Variants in LDLRAD4 observed in about 807,000 individuals in gnomAD.
LDLRAD4 encodes the protein low-density lipoprotein receptor class A domain-containing protein 4.
LDLRAD4 carries 5 observed loss-of-function variants against 17.0 expected under a neutral mutation model. The observed-to-expected ratio is 0.29, with a 90% confidence interval of 0.15 to 0.62. The LOEUF is 0.62. Among genes scored for constraint, LDLRAD4 ranks in the 20% least tolerant of loss-of-function variants. The probability of loss-of-function intolerance (pLI) is 0.84; values close to 1 mark genes in which losing one functional copy is unlikely to be tolerated. For missense variants in LDLRAD4, 340 were observed against 424.7 expected, an observed-to-expected ratio of 0.80 and a Z score of 1.75; for synonymous variants, 168 against 171.8, an observed-to-expected ratio of 0.98 and a Z score of 0.17.
At chr18:13,380,041 G>A (rs932572103) in intron 1 of LDLRAD4, among the ~76,000 whole-genome samples, 84 of 139,562 alleles carry the variant, frequency 6.0e-4, no homozygotes, top group African/African-American at 1.9e-3. Flanking sequence ...CACAGTGGGA[G>A]CAGAACCTCT....
chr18:13,573,446 G>A (rs1022892407), intron 3 of LDLRAD4, among the ~76,000 whole-genome samples: 1 of 151,148 alleles, frequency 6.6e-6, no homozygotes, highest in Non-Finnish European at 1.5e-5. Context: ...TGCCTTGTAG[G>A]CCAGGCTGGT....
At chr18:13,488,890 C>T (rs1351537826) in intron 3 of LDLRAD4, 2 of 152,212 alleles carry the variant, frequency 1.3e-5, no homozygotes, top group Non-Finnish European at 2.9e-5. Context: ...GGGACCCTGA[C>T]CCTAGCCAGC....
chr18:13,450,715 G>A (rs1425944967), intron 3 of LDLRAD4, among the ~76,000 whole-genome samples: 1 of 152,186 alleles, frequency 6.6e-6, no homozygotes, highest in Admixed American at 6.5e-5. Context: ...GCACGTATCT[G>A]CAGTGCCAGT....
At chr18:13,252,993 G>A (rs927234481) in intron 1 of LDLRAD4, among the ~76,000 whole-genome samples, 1 of 152,254 alleles carries the variant, frequency 6.6e-6, no homozygotes, top group Non-Finnish European at 1.5e-5. Flanking sequence ...GTGAGTGCTT[G>A]CATGGAAACC....
intron 1 of LDLRAD4, among the ~76,000 whole-genome samples, chr18:13,320,889 A>G (rs113871937): frequency 0.031 from 4,671 of 152,262 alleles, 181 homozygotes; most frequent in African/African-American, 0.093. Context: ...ATTCCCTCCC[A>G]GTGGGACCCT....
chr18:13,439,901 C>G (rs1333591443), intron 3 of LDLRAD4, among the ~76,000 whole-genome samples: 1 of 152,188 alleles, frequency 6.6e-6, no homozygotes, highest in Non-Finnish European at 1.5e-5. Flanking sequence ...GCCCTCATCT[C>G]CACAATGGGG....
In LDLRAD4 at chr18:13,264,217, G is replaced by A. The variant is rs766906023; in HGVS notation, c.-466-13888G>A. On this transcript the variant is annotated intron_variant, in intron 1 of 5. Coordinates refer to the LDLRAD4 transcript ENST00000399848. ...GCTGGTTGCGGGATGGACCTGAGTGGCTAGGATGGGTCCTTTGAGGAGGTG... is the reference window on the plus strand; with the variant it reads ...GCTGGTTGCGGGATGGACCTGAGTGACTAGGATGGGTCCTTTGAGGAGGTG... Among the ~76,000 whole-genome samples the A allele has an allele frequency of 3.9e-5, 6 of 152,330 alleles. No individual in the cohort carries two copies. In the South Asian group the frequency reaches 1.2e-3, roughly 32 times the overall value.
chr18:13,308,324 T>G, intron 1 of LDLRAD4, among the ~76,000 whole-genome samples: 1 of 152,238 alleles, frequency 6.6e-6, no homozygotes, highest in East Asian at 1.9e-4. Context: ...ACCTTTGACT[T>G]AATTCCAAAT....
chr18:13,241,373 T>C (rs2042640908), intron 1 of LDLRAD4: 1 of 152,242 alleles, frequency 6.6e-6, no homozygotes, highest in South Asian at 2.1e-4. Flanking sequence ...CGGAAGTTCA[T>C]TCCGGAGGCT....
intron 3 of LDLRAD4, among the ~76,000 whole-genome samples, chr18:13,544,621 C>G (rs952236970): frequency 9.9e-5 from 15 of 152,204 alleles, no homozygotes; most frequent in African/African-American, 3.6e-4. Context: ...ACAGAGCTCT[C>G]GCGAAGCTGT....
intron 2 of LDLRAD4, among the ~76,000 whole-genome samples, chr18:13,416,270 A>C (rs1568121046): frequency 6.6e-6 from 1 of 152,228 alleles, no homozygotes; most frequent in Non-Finnish European, 1.5e-5. Context: ...TGTGTTCTCC[A>C]GCCAAGTGTG....
intron 3 of LDLRAD4, among the ~76,000 whole-genome samples, chr18:13,534,334 C>G (rs1415247647): frequency 6.6e-6 from 1 of 152,182 alleles, no homozygotes; most frequent in Non-Finnish European, 1.5e-5. Context: ...ATGTTATTTT[C>G]AGAAAACTGG....
At chr18:13,355,458 G>C (rs1236280276) in intron 1 of LDLRAD4, among the ~76,000 whole-genome samples, 2 of 152,136 alleles carry the variant, frequency 1.3e-5, no homozygotes, top group Non-Finnish European at 2.9e-5. Flanking sequence ...GGAGTCAGTG[G>C]CTCATTCACA....
At chr18:13,541,497 C>T (rs1316648006) in intron 3 of LDLRAD4, among the ~76,000 whole-genome samples, 2 of 152,170 alleles carry the variant, frequency 1.3e-5, no homozygotes, top group Non-Finnish European at 1.5e-5. Context: ...AGAGTGGTCT[C>T]CTCAGGTGGT....
At chr18:13,600,191 A>AT (rs1335814914) in intron 3 of LDLRAD4, among the ~76,000 whole-genome samples, 5 of 152,198 alleles carry the variant, frequency 3.3e-5, no homozygotes, top group Admixed American at 1.3e-4. Flanking sequence ...CAGGCCTGTG[A>AT]TTTTTTGGAT....
chr18:13,537,790 G>GT (rs2147903907), intron 3 of LDLRAD4, among the ~76,000 whole-genome samples: 1 of 152,252 alleles, frequency 6.6e-6, no homozygotes, highest in East Asian at 1.9e-4. Flanking sequence ...TTGTGTGTGT[G>GT]TGTATGTGTG....
intron 1 of LDLRAD4, among the ~76,000 whole-genome samples, chr18:13,237,617 C>G (rs936487915): frequency 6.6e-6 from 1 of 152,172 alleles, no homozygotes; most frequent in Non-Finnish European, 1.5e-5. Flanking sequence ...GCTCGGTCTC[C>G]AAGTAGCATT....
At position 13,610,265 on chromosome 18, in the gene LDLRAD4, A is replaced by ATTTTTTTTTTTTTTTT. The variant is rs1157718015; in HGVS notation, c.182-10827_182-10812dup. Among the ~76,000 whole-genome samples, 14 of 62,512 alleles carry ATTTTTTTTTTTTTTTT rather than the reference A, an allele frequency of 2.2e-4. 4 individuals carry two copies. Among genetic ancestry groups the ATTTTTTTTTTTTTTTT allele is most frequent in the Admixed American group, 8.2e-4 (4 of 4,894 alleles). 41.0% of individuals were successfully genotyped at this position (62,512 alleles called of 152,430 possible). A position where few individuals can be genotyped will look rare whatever the true frequency, so the allele number is the denominator to read the frequency against. On this transcript the variant is annotated intron_variant, in intron 3 of 5. Coordinates refer to ENST00000359446, the Ensembl canonical transcript of LDLRAD4. ...TTCCATGAAGTTCACCAAAGCCCTA[A>ATTTTTTTTTTTTTTTT]TTTTTTTTTTTTTTTTTTTTTTTTT... is the stretch of plus-strand genomic sequence containing the variant.
intron 1 of LDLRAD4, among the ~76,000 whole-genome samples, chr18:13,298,202 C>T (rs756490813): frequency 6.6e-6 from 1 of 152,224 alleles, no homozygotes; most frequent in Non-Finnish European, 1.5e-5. Context: ...AGATTCCTGG[C>T]ATCTATCACT....
Sources: gnomAD v4.1 joint callset for allele counts (sites outside exome capture counted in the v4.1 genomes callset) on GRCh38, gnomAD v4.1.1 for gene constraint, MANE v1.5 for transcripts, NCBI Gene and HGNC (gene_info 2026-07-23, HGNC 2026-07-21) for gene names.